FER1L6: variants seen among roughly 807,000 people sequenced by gnomAD.
FER1L6 encodes fer-1 like family member 6.
A neutral mutation model predicts 219.2 loss-of-function variants in FER1L6; 177 were observed. The ratio of observed to expected loss-of-function variants is 0.81; its 90% CI spans 0.71 to 0.91. The LOEUF is 0.91. Among genes scored for constraint, FER1L6 ranks in the 40% least tolerant of loss-of-function variants. FER1L6 has a pLI of 0.00. For synonymous variants in FER1L6, 768 were observed against 824.3 expected, an observed-to-expected ratio of 0.93 and a Z score of 1.17; for missense variants, 2,153 against 2,259.9, an observed-to-expected ratio of 0.95 and a Z score of 0.96.
At chr8:124,075,155 T>C (rs572948151) in intron 31 of FER1L6, among the ~76,000 whole-genome samples, 1 of 152,212 alleles carries the variant, frequency 6.6e-6, no homozygotes, top group African/African-American at 2.4e-5. Flanking sequence ...TTACTATAAC[T>C]TTTTTACTTT....
At chr8:124,096,329 T>C (rs1259299074) in intron 35 of FER1L6, among the ~76,000 whole-genome samples, 1 of 152,190 alleles carries the variant, frequency 6.6e-6, no homozygotes, top group Non-Finnish European at 1.5e-5. Flanking sequence ...ATGCTAAACC[T>C]TTGCTTACAT....
chr8:124,114,318 T>G (rs1823143313), intron 39 of FER1L6, among the ~76,000 whole-genome samples: 1 of 152,184 alleles, frequency 6.6e-6, no homozygotes, highest in East Asian at 1.9e-4. Flanking sequence ...CTCTAATGAT[T>G]TTTCCCTTGC....
At chr8:123,910,379 T>A (rs1813030303) in intron 1 of FER1L6, among the ~76,000 whole-genome samples, 1 of 151,994 alleles carries the variant, frequency 6.6e-6, no homozygotes, top group Admixed American at 6.6e-5. Context: ...AGATGGTGAG[T>A]TGGTAAGTTG....
At chr8:124,074,394 A>T (rs1021078506) in intron 31 of FER1L6, among the ~76,000 whole-genome samples, 1 of 152,186 alleles carries the variant, frequency 6.6e-6, no homozygotes, top group African/African-American at 2.4e-5. Context: ...GCAGTGGCTC[A>T]TGCCTGTAAT....
intron 1 of FER1L6, among the ~76,000 whole-genome samples, chr8:123,935,283 C>G (rs1380038395): frequency 1.3e-5 from 2 of 152,034 alleles, no homozygotes; most frequent in Non-Finnish European, 2.9e-5. Flanking sequence ...AATCAAATTG[C>G]CTCATATTTT....
chr8:123,930,907 G>A (rs1053044365), intron 1 of FER1L6, among the ~76,000 whole-genome samples: 1 of 152,158 alleles, frequency 6.6e-6, no homozygotes, highest in Non-Finnish European at 1.5e-5. Context: ...CATGGGTTGA[G>A]CATCTTCCTG....
intron 12 of FER1L6, among the ~76,000 whole-genome samples, chr8:123,990,892 G>A (rs892027294): frequency 1.3e-5 from 2 of 152,076 alleles, no homozygotes; most frequent in African/African-American, 4.8e-5. Context: ...GTTGATTTTT[G>A]TATACGATAC....
rs189564114 is a variant in FER1L6, at chr8:123,951,891, G to A, written c.-7-4101G>A. On this transcript the variant is annotated intron_variant, in intron 1 of 40. Transcript: ENST00000522917. ...GAAGAGAGCAGCATGGGCCAGTACT[G>A]GGCATGCTGTTGACACAAGTAACTT... Among the ~76,000 whole-genome samples, 120 of 152,240 alleles carry A rather than the reference G, an allele frequency of 7.9e-4. 2 individuals are homozygous for A. Among genetic ancestry groups the A allele is most frequent in the African/African-American group, 2.7e-3 (111 of 41,544 alleles).
intron 39 of FER1L6, among the ~76,000 whole-genome samples, chr8:124,115,025 A>C (rs528056484): frequency 2.1e-4 from 32 of 150,800 alleles, no homozygotes; most frequent in Non-Finnish European, 3.4e-4. Flanking sequence ...TGTTTTAATA[A>C]GGAATAATCA....
At chr8:123,925,308 G>A (rs1813521509) in intron 1 of FER1L6, among the ~76,000 whole-genome samples, 1 of 152,178 alleles carries the variant, frequency 6.6e-6, no homozygotes, top group African/African-American at 2.4e-5. Context: ...TCATCTGTGA[G>A]GCCCAGGATG....
intron 1 of FER1L6, among the ~76,000 whole-genome samples, chr8:123,907,413 A>G (rs1056322615): frequency 6.6e-6 from 1 of 152,056 alleles, no homozygotes; most frequent in Non-Finnish European, 1.5e-5. Context: ...CCTTATTGAT[A>G]GTCAGTAACT....
At chr8:123,975,001 C>G (rs1237955181) in intron 7 of FER1L6, 149 bp from the exon 8 acceptor site, 2 of 585,416 alleles carry the variant, frequency 3.4e-6, no homozygotes, top group Non-Finnish European at 5.8e-6. Context: ...AAGAGGGAAG[C>G]AGCATGAGGT....
chr8:123,932,301 G>T (rs763144219), intron 1 of FER1L6, among the ~76,000 whole-genome samples: 1 of 151,934 alleles, frequency 6.6e-6, no homozygotes, highest in African/African-American at 2.4e-5. Context: ...TAGAGACAGG[G>T]TTTCATTATG....
intron 1 of FER1L6, among the ~76,000 whole-genome samples, chr8:123,953,323 T>C (rs1200216936): frequency 6.6e-6 from 1 of 152,196 alleles, no homozygotes; most frequent in East Asian, 1.9e-4. Flanking sequence ...GAAGTTTATT[T>C]GGCTTACTCT....
At position 124,091,967 on chromosome 8, in the gene FER1L6, TAAAA is replaced by T. The variant is rs10591429; in HGVS notation, c.4552+402_4552+405del. Reference sequence around the variant, plus strand: ...GAACAACAGAGTGGGACTCAAGTCTTAAAAAAAAAAAAAAAAAAAAAGTAATGCA... The same window carrying T: ...GAACAACAGAGTGGGACTCAAGTCTTAAAAAAAAAAAAAAAAAGTAATGCA... On this transcript the variant is annotated intron_variant, in intron 34 of 40. Transcript: ENST00000522917. Among the ~76,000 whole-genome samples, 1,211 of 133,510 alleles carry T rather than the reference TAAAA, an allele frequency of 9.1e-3. 10 individuals are homozygous for T. Among genetic ancestry groups the T allele is most frequent in the African/African-American group, 0.021 (734 of 35,474 alleles). The allele number at this position is 133,510 out of a possible 152,430, so 87.6% of individuals were successfully genotyped here.
At chr8:124,067,646 G>T in intron 27 of FER1L6, 121 bp from the exon 28 acceptor site, 1 of 886,802 alleles carries the variant, frequency 1.1e-6, no homozygotes. Context: ...ACTGCTTACA[G>T]ACTGTTTGAA....
rs1218463201 is a variant in FER1L6 at position 123,975,304 on chromosome 8, AAAGT to A, written c.683+2_683+5del. ...CTTCTGACACCGAGGAGCCAATAGA[AAAGT>A]AAGACAGGTCCATCCTGGGTTGTGC... is the stretch of plus-strand genomic sequence containing the variant. On this transcript the variant is annotated splice_donor_variant and coding_sequence_variant, in exon 8 of 41. Transcript: ENST00000522917. LOFTEE classifies it high-confidence loss of function. 6.2e-7 allele frequency: 1 copy of A among 1,607,010 alleles called. No individual in the cohort carries two copies. The highest frequency in any genetic ancestry group is 2.2e-5 in the East Asian group (1 of 44,654).
chr8:123,940,763 C>G (rs1814208430), intron 1 of FER1L6, among the ~76,000 whole-genome samples: 1 of 152,158 alleles, frequency 6.6e-6, no homozygotes, highest in Middle Eastern at 3.2e-3. Context: ...GGCATCACCC[C>G]CTACTCCTGA....
At chr8:124,107,376 C>T (rs1822825870) in intron 39 of FER1L6, among the ~76,000 whole-genome samples, 1 of 152,042 alleles carries the variant, frequency 6.6e-6, no homozygotes, top group South Asian at 2.1e-4. Context: ...AGCTTACAAG[C>T]CAGAGAGGAA....
Sources: allele counts gnomAD v4.1 joint callset (sites outside exome capture counted in the v4.1 genomes callset), GRCh38; gene constraint gnomAD v4.1.1; transcripts MANE v1.5; gene names NCBI Gene and HGNC (gene_info 2026-07-23, HGNC 2026-07-21).